The following WRN variants were observed in gnomAD, a reference collection of about 807,000 sequenced individuals.
WRN encodes bifunctional 3'-5' exonuclease/ATP-dependent helicase WRN.
In WRN, 149 loss-of-function variants were observed where a neutral mutation model predicts 180.7. That is an observed-to-expected ratio of 0.82 (90% confidence interval 0.72 to 0.94). The LOEUF (loss-of-function observed/expected upper bound fraction) is 0.94, where lower values mean the gene tolerates loss of function less well. WRN is among the 40% of genes least tolerant of loss of function. The pLI is 0.00. For missense variants in WRN, 1,661 were observed against 1,700.1 expected, an observed-to-expected ratio of 0.98 and a Z score of 0.40; for synonymous variants, 548 against 568.9, an observed-to-expected ratio of 0.96 and a Z score of 0.52.
intron 7 of WRN, among the ~76,000 whole-genome samples, chr8:31,069,854 G>A (rs1464848304): frequency 6.6e-6 from 1 of 151,904 alleles, no homozygotes; most frequent in Admixed American, 6.6e-5. Context: ...ATGATTTTTT[G>A]GCTTTATGGT....
At chr8:31,122,860 G>GTTTTTTTTTTTTTTTTTTT (rs71206298) in intron 21 of WRN, among the ~76,000 whole-genome samples, 1 of 69,482 alleles carries the variant, frequency 1.4e-5, no homozygotes, top group African/African-American at 5.2e-5. Flanking sequence ...TTCTTTTCTT[G>GTTTTTTTTTTTTTTTTTTT]TTTTTTTTTT....
At chr8:31,138,309 A>G (rs1241812951) in intron 24 of WRN, among the ~76,000 whole-genome samples, 1 of 152,208 alleles carries the variant, frequency 6.6e-6, no homozygotes, top group Admixed American at 6.5e-5. Flanking sequence ...ATCTTATTTT[A>G]CTTACAAAAA....
At chr8:31,060,509 A>C (rs1173882360) in intron 3 of WRN, among the ~76,000 whole-genome samples, 1 of 152,242 alleles carries the variant, frequency 6.6e-6, no homozygotes, top group African/African-American at 2.4e-5. Context: ...ATTGCACTCC[A>C]GCCTGGGCAA....
At chr8:31,148,875 G>A (rs1257590025) in intron 30 of WRN, among the ~76,000 whole-genome samples, 11 of 152,202 alleles carry the variant, frequency 7.2e-5, no homozygotes, top group Non-Finnish European at 1.5e-5. Context: ...ACCTTTTTGT[G>A]TGTCTCCTGT....
At chr8:31,053,026 C>A (rs907277409) in intron 1 of WRN, among the ~76,000 whole-genome samples, 6 of 152,124 alleles carry the variant, frequency 3.9e-5, no homozygotes, top group African/African-American at 1.4e-4. Flanking sequence ...GACATAGACA[C>A]AACACTAATC....
intron 9 of WRN, among the ~76,000 whole-genome samples, chr8:31,083,460 C>T (rs1414730283): frequency 6.6e-6 from 1 of 152,098 alleles, no homozygotes; most frequent in Non-Finnish European, 1.5e-5. Context: ...TATTTTGTCT[C>T]TTTATCTAAC....
chr8:31,067,203 A>G, intron 6 of WRN, 21 bp downstream of exon 6: 1 of 1,612,622 alleles, frequency 6.2e-7, no homozygotes, highest in Non-Finnish European at 8.5e-7. Flanking sequence ...AAAGATCTTT[A>G]GAAATTGTGA....
At chr8:31,101,766 A>G (rs1249618541) in intron 18 of WRN, among the ~76,000 whole-genome samples, 4 of 148,624 alleles carry the variant, frequency 2.7e-5, no homozygotes, top group African/African-American at 1.0e-4. Context: ...CAGCCTGGGC[A>G]ACAAGAGCGA....
At chr8:31,108,822 A>C (rs533542411) in intron 18 of WRN, among the ~76,000 whole-genome samples, 1 of 152,072 alleles carries the variant, frequency 6.6e-6, no homozygotes, top group South Asian at 2.1e-4. Flanking sequence ...GAGAAGGGAG[A>C]GGAAGGCAGG....
chr8:31,042,436 A>G (rs1413996726), intron 1 of WRN, among the ~76,000 whole-genome samples: 1 of 152,206 alleles, frequency 6.6e-6, no homozygotes, highest in Non-Finnish European at 1.5e-5. Context: ...CATCAATTTG[A>G]TTTATATCTA....
intron 1 of WRN, among the ~76,000 whole-genome samples, chr8:31,055,576 G>A (rs1812238242): frequency 6.6e-6 from 1 of 151,458 alleles, no homozygotes; most frequent in Admixed American, 6.6e-5. Context: ...AGAAGTGTCT[G>A]TTCATGTCCT....
intron 16 of WRN, among the ~76,000 whole-genome samples, chr8:31,096,318 A>G (rs1044270375): frequency 2.6e-5 from 4 of 152,132 alleles, no homozygotes; most frequent in Non-Finnish European, 5.9e-5. Context: ...TGGAGAGCAG[A>G]CTCTGTAAAT....
In WRN at chr8:31,165,928, A is replaced by T. The variant is rs143868502; in HGVS notation, c.3983-1094A>T. ...GAGAGATGTGATCATCACGTTGCTG[A>T]TTTTACTATGTATAGAGGTTATCTT... On this transcript the variant is annotated intron_variant, in intron 33 of 34. Transcript: ENST00000298139. Among the ~76,000 whole-genome samples the T allele has an allele frequency of 1.6e-3, 248 of 152,226 alleles. 1 individual carries two copies. Among genetic ancestry groups the T allele is most frequent in the African/African-American group, 5.8e-3 (241 of 41,556 alleles).
intron 23 of WRN, among the ~76,000 whole-genome samples, chr8:31,127,784 C>A (rs976742292): frequency 2.0e-5 from 3 of 151,898 alleles, no homozygotes; most frequent in African/African-American, 7.3e-5. Flanking sequence ...ATTAGCTAGG[C>A]ATAGCATTAT....
intron 12 of WRN, 118 bp from the exon 13 acceptor site, chr8:31,088,771 AT>A (rs1813632840): frequency 1.2e-6 from 1 of 838,446 alleles, no homozygotes; most frequent in Non-Finnish European, 1.9e-6. Flanking sequence ...AATAGAAAAC[AT>A]TAACCCATGG....
chr8:31,125,784 T>A (rs1801907317), intron 23 of WRN, among the ~76,000 whole-genome samples: 1 of 150,514 alleles, frequency 6.6e-6, no homozygotes, highest in African/African-American at 2.4e-5. Flanking sequence ...ACTGAGTGGA[T>A]GAGGCCCACC....
chr8:31,166,034 T>TTTTTG (rs569639841), intron 33 of WRN, among the ~76,000 whole-genome samples: 6 of 152,116 alleles, frequency 3.9e-5, no homozygotes, highest in Non-Finnish European at 7.4e-5. Flanking sequence ...CTCTTCCTGT[T>TTTTTG]TTTTGTTTTG....
At chr8:31,149,687 C>G (rs1188716460) in intron 30 of WRN, among the ~76,000 whole-genome samples, 1 of 151,834 alleles carries the variant, frequency 6.6e-6, no homozygotes, top group Non-Finnish European at 1.5e-5. Context: ...GTTGTCCAGG[C>G]TGGTGTTGAA....
rs555227491 is a variant in WRN at position 31,099,569 on chromosome 8, GTTTT to G, written c.1982-1271_1982-1268del. Among the ~76,000 whole-genome samples, 4 of 137,252 alleles carry G rather than the reference GTTTT, an allele frequency of 2.9e-5. No homozygotes were observed. The East Asian group carries it at 6.4e-4, about 22-fold the overall frequency. The allele number at this position is 137,252 out of a possible 152,430, so 90.0% of individuals were successfully genotyped here. A position where few individuals can be genotyped will look rare whatever the true frequency, so the allele number is the denominator to read the frequency against. On this transcript the variant is annotated intron_variant, in intron 17 of 34. Transcript: ENST00000298139. ...AGGTTTTTTTTTTGTTTGTTTGTTT[GTTTT>G]TTTTTTTTGTCTTTCTTCTCCACAC... is the stretch of plus-strand genomic sequence containing the variant.
Sources: gnomAD v4.1 joint callset for allele counts (sites outside exome capture counted in the v4.1 genomes callset) on GRCh38, gnomAD v4.1.1 for gene constraint, MANE v1.5 for transcripts, NCBI Gene and HGNC (gene_info 2026-07-23, HGNC 2026-07-21) for gene names.